Variants in PTPRD observed in about 807,000 individuals in gnomAD.
PTPRD encodes protein tyrosine phosphatase receptor type D, also known as receptor-type tyrosine-protein phosphatase delta.
PTPRD carries 34 observed loss-of-function variants against 214.5 expected under a neutral mutation model. That is an observed-to-expected ratio of 0.16 (90% CI 0.12 to 0.21). The LOEUF is 0.21. Ranked by LOEUF, PTPRD falls within the 10% of genes least tolerant of loss-of-function variation. The pLI is 1.00. For missense variants in PTPRD, 2,545 were observed against 2,398.7 expected (o/e 1.06, Z -1.27); for synonymous variants, 1,128 against 845.7 (o/e 1.33, Z -5.79).
chr9:8,511,212 G>A (rs994676461), intron 21 of PTPRD, among the ~76,000 whole-genome samples: 5 of 151,982 alleles, frequency 3.3e-5, no homozygotes, highest in Admixed American at 1.3e-4. Flanking sequence ...GAGAGTACAG[G>A]TGTGTGCCAT....
chr9:10,057,744 G>C (rs1015356120), intron 3 of PTPRD, among the ~76,000 whole-genome samples: 3 of 151,832 alleles, frequency 2.0e-5, no homozygotes, highest in Non-Finnish European at 2.9e-5. Context: ...TTGGGAATCT[G>C]AGGGAGGGGA....
At chr9:9,481,210 G>C (rs980165795) in intron 8 of PTPRD, among the ~76,000 whole-genome samples, 2 of 152,100 alleles carry the variant, frequency 1.3e-5, no homozygotes, top group Admixed American at 6.6e-5. Context: ...GATATTTTTA[G>C]TATTTATTAC....
intron 2 of PTPRD, among the ~76,000 whole-genome samples, chr9:10,381,663 G>T (rs2097827640): frequency 1.3e-5 from 2 of 151,898 alleles, no homozygotes; most frequent in Admixed American, 1.3e-4. Flanking sequence ...TCTTTTCAAA[G>T]GACATAACTC....
intron 2 of PTPRD, among the ~76,000 whole-genome samples, chr9:10,546,526 G>C (rs1348099214): frequency 1.3e-5 from 2 of 151,640 alleles, no homozygotes; most frequent in Non-Finnish European, 2.9e-5. Flanking sequence ...TTTTCACCTA[G>C]GAAAATATCA....
intron 2 of PTPRD, among the ~76,000 whole-genome samples, chr9:10,452,808 T>C (rs931966909): frequency 1.3e-5 from 2 of 151,820 alleles, no homozygotes; most frequent in Non-Finnish European, 3.0e-5. Context: ...TTTCCATTGT[T>C]GTGCATAAGG....
intron 9 of PTPRD, among the ~76,000 whole-genome samples, chr9:9,377,985 A>G (rs2061249112): frequency 6.6e-6 from 1 of 151,660 alleles, no homozygotes; most frequent in Non-Finnish European, 1.5e-5. Context: ...TTTCACATAT[A>G]CTCCCTCTCC....
At chr9:9,449,627 C>G (rs887578445) in intron 8 of PTPRD, among the ~76,000 whole-genome samples, 2 of 151,992 alleles carry the variant, frequency 1.3e-5, no homozygotes, top group African/African-American at 4.8e-5. Flanking sequence ...AGTGTGTAAG[C>G]AGGGGGATTC....
chr9:9,787,772 TTTATTATTA>T (rs373362978), intron 5 of PTPRD, among the ~76,000 whole-genome samples: 3 of 149,138 alleles, frequency 2.0e-5, no homozygotes, highest in African/African-American at 7.4e-5. Context: ...CAATTTTTTA[TTTATTATTA>T]TTATTATTAT....
intron 3 of PTPRD, among the ~76,000 whole-genome samples, chr9:10,074,595 G>A (rs898922610): frequency 6.6e-6 from 1 of 152,092 alleles, no homozygotes; most frequent in Non-Finnish European, 1.5e-5. Context: ...TTGATTTCAT[G>A]ATGCTTTCTC....
rs149046271 is a variant in PTPRD at position 9,630,848 on chromosome 9, C to T, written c.-286-56067G>A. Among the ~76,000 whole-genome samples the T allele has an allele frequency of 1.8e-4, 27 of 151,944 alleles. No individual in the cohort carries two copies. The East Asian group carries it at 2.3e-3, about 13-fold the overall frequency. The stretch of plus-strand genomic sequence containing the variant: ...AGATAGTAAGCAATATTTCCCAGGA[C>T]GTAGAATGTACTTATATGTAAAAGA... On this transcript the variant is annotated intron_variant, in intron 7 of 45. Coordinates refer to ENST00000381196, the MANE Select transcript of PTPRD (RefSeq NM_002839.4).
intron 3 of PTPRD, among the ~76,000 whole-genome samples, chr9:10,120,699 T>G (rs1439405986): frequency 6.6e-6 from 1 of 152,002 alleles, no homozygotes; most frequent in Non-Finnish European, 1.5e-5. Context: ...ACATAAAAAT[T>G]TAATAAGAAT....
intron 7 of PTPRD, among the ~76,000 whole-genome samples, chr9:9,607,590 A>T (rs1385241301): frequency 1.3e-5 from 2 of 152,158 alleles, no homozygotes; most frequent in African/African-American, 4.8e-5. Flanking sequence ...ATCCAGAAAT[A>T]TCAGGAACAA....
At chr9:9,673,658 T>A in intron 7 of PTPRD, among the ~76,000 whole-genome samples, 1 of 151,282 alleles carries the variant, frequency 6.6e-6, no homozygotes, top group East Asian at 1.9e-4. Context: ...TATTTCTGTA[T>A]CAATGAAAAT....
chr9:8,342,320 T>A (rs2132557794), intron 39 of PTPRD, among the ~76,000 whole-genome samples: 1 of 152,240 alleles, frequency 6.6e-6, no homozygotes, highest in Non-Finnish European at 1.5e-5. Context: ...AGTCTGTCCA[T>A]ATTTAGAAGA....
At chr9:9,111,805 A>G (rs1314390528) in intron 10 of PTPRD, among the ~76,000 whole-genome samples, 1 of 152,176 alleles carries the variant, frequency 6.6e-6, no homozygotes, top group Non-Finnish European at 1.5e-5. Context: ...TCAAGAAAAT[A>G]TATCTGAAAT....
At position 10,023,149 on chromosome 9, in the gene PTPRD, A is replaced by G. The variant is rs551918118; in HGVS notation, c.-472+10569T>C. ...AAACTTATTTAGATTTCTGTAAATC[A>G]TTAAATATGTTTCTATGTACACGTG... On this transcript the variant is annotated intron_variant, in intron 4 of 45. Coordinates refer to ENST00000381196, the MANE Select transcript of PTPRD (RefSeq NM_002839.4). 1.1e-3 allele frequency among the ~76,000 whole-genome samples: 163 copies of G among 152,344 alleles called. 2 individuals are homozygous for G. The highest frequency in any genetic ancestry group is 1.8e-3 in the Non-Finnish European group (122 of 68,036).
intron 9 of PTPRD, among the ~76,000 whole-genome samples, chr9:9,262,602 A>G (rs575972843): frequency 2.6e-5 from 4 of 151,718 alleles, no homozygotes; most frequent in Non-Finnish European, 5.9e-5. Flanking sequence ...TGAGTAAAAA[A>G]AAATGCCCTT....
chr9:9,737,027 T>G (rs1025367429), intron 6 of PTPRD, among the ~76,000 whole-genome samples: 3 of 152,090 alleles, frequency 2.0e-5, no homozygotes, highest in African/African-American at 7.2e-5. Flanking sequence ...CTAAAAATCT[T>G]TTTATGTTAT....
intron 11 of PTPRD, among the ~76,000 whole-genome samples, chr9:8,845,625 A>G (rs975241410): frequency 6.6e-6 from 1 of 152,260 alleles, no homozygotes; most frequent in Admixed American, 6.5e-5. Flanking sequence ...CATCAAAAAC[A>G]AGATTAGATA....
Sources: allele counts gnomAD v4.1 joint callset (sites outside exome capture counted in the v4.1 genomes callset), GRCh38; gene constraint gnomAD v4.1.1; transcripts MANE v1.5; gene names NCBI Gene and HGNC (gene_info 2026-07-23, HGNC 2026-07-21).